Variants in CIBAR1 observed in about 807,000 individuals in gnomAD.
CIBAR1 encodes CBY1-interacting BAR domain-containing protein 1.
CIBAR1 carries 25 observed loss-of-function variants against 44.0 expected under a neutral mutation model. That is an observed-to-expected ratio of 0.57 (90% CI 0.41 to 0.79). The LOEUF (loss-of-function observed/expected upper bound fraction) is 0.79, where lower values mean the gene tolerates loss of function less well. Ranked by LOEUF, CIBAR1 falls within the 30% of genes least tolerant of loss-of-function variation. CIBAR1 has a pLI of 0.00. For synonymous variants in CIBAR1, 115 were observed against 119.0 expected (o/e 0.97, Z 0.22); for missense variants, 278 against 344.8 (o/e 0.81, Z 1.53).
chr8:93,728,147 ATG>A (rs1417446944), intron 8 of CIBAR1, 56 bp from the exon 9 acceptor site: 9 of 1,069,782 alleles, frequency 8.4e-6, no homozygotes, highest in Non-Finnish European at 1.2e-5. Context: ...TATACCAAGA[ATG>A]TAAAATTTTT....
chr8:93,710,567 C>T (rs1176864982), intron 6 of CIBAR1, among the ~76,000 whole-genome samples: 2 of 152,108 alleles, frequency 1.3e-5, no homozygotes, highest in African/African-American at 4.8e-5. Context: ...GGCACAGTGG[C>T]TCACACCTGT....
chr8:93,718,894 C>T (rs569182275), intron 7 of CIBAR1, 106 bp downstream of exon 7: 12 of 627,058 alleles, frequency 1.9e-5, no homozygotes, highest in Middle Eastern at 4.2e-4. Flanking sequence ...GACAGAGTCT[C>T]ACTCTGTTGC....
intron 2 of CIBAR1, among the ~76,000 whole-genome samples, chr8:93,703,018 T>C (rs1810424847): frequency 6.6e-6 from 1 of 152,224 alleles, no homozygotes; most frequent in Admixed American, 6.5e-5. Flanking sequence ...TAAAAACCTG[T>C]AACGTTTAAG....
chr8:93,704,283 G>A (rs1810489840), intron 3 of CIBAR1, among the ~76,000 whole-genome samples: 1 of 152,134 alleles, frequency 6.6e-6, no homozygotes, highest in Non-Finnish European at 1.5e-5. Flanking sequence ...TAAAGCGATA[G>A]CATTTAGACT....
chr8:93,729,752 T>G lies in CIBAR1; in HGVS notation c.*1455T>G, dbSNP rs1211901337. The G allele has an allele frequency of 6.6e-6, 1 of 152,176 alleles. No homozygotes were observed. The highest frequency in any genetic ancestry group is 1.5e-5 in the Non-Finnish European group (1 of 68,020). The allele number at this position is 152,176 out of a possible 1,614,324, so 9.4% of individuals were successfully genotyped here. On this transcript the variant is annotated 3_prime_UTR_variant, in exon 9 of 9. Transcript: ENST00000518322. Reference sequence around the variant, plus strand: ...AATTCAAGACTATTATACAGGTAACTATGTAACCATGTAAGACTTAAGTAC... The same window carrying G: ...AATTCAAGACTATTATACAGGTAACGATGTAACCATGTAAGACTTAAGTAC...
chr8:93,727,083 A>T (rs771311286), intron 8 of CIBAR1: 49 of 635,208 alleles, frequency 7.7e-5, no homozygotes, highest in Non-Finnish European at 1.1e-4. Context: ...TAAGTAACAC[A>T]TAAAGCAGTA....
Position 93,718,785 on chromosome 8 carries a change from A to G in CIBAR1, c.654A>G (p.Leu218=). The G allele has an allele frequency of 2.0e-6, 3 of 1,530,524 alleles. No individual in the cohort carries two copies. Among genetic ancestry groups the G allele is most frequent in the Non-Finnish European group, 2.7e-6 (3 of 1,126,408 alleles). 94.8% of individuals were successfully genotyped at this position (1,530,524 alleles called of 1,614,324 possible). A position where few individuals can be genotyped will look rare whatever the true frequency, so the allele number is the denominator to read the frequency against. ...AAAACATTGATGAAGATGAAGATTTAGAGGTAGGACTATGTCTATCTAAGC... is the reference window on the plus strand; with the variant it reads ...AAAACATTGATGAAGATGAAGATTTGGAGGTAGGACTATGTCTATCTAAGC... ...NIQNIDEDED[L]EVFRNSLYAP... The change falls in exon 7 of 9, where the codon TTA becomes TTG. Residue 218 remains leucine (L), a synonymous_variant. Transcript: ENST00000518322.
Position 93,700,671 on chromosome 8 carries a change from C to G in CIBAR1, c.24C>G (p.Asn8Lys), listed in dbSNP as rs901176901. ...GCATGATGAGGCGCACCCTGGAAAACCGGTAACAGCCCGAGCCCAGCTGCC... is the reference window on the plus strand; with the variant it reads ...GCATGATGAGGCGCACCCTGGAAAAGCGGTAACAGCCCGAGCCCAGCTGCC... MMRRTLE[N>K]RNAQTKQLQT... The change falls in exon 1 of 9, where the codon AAC becomes AAG. Residue 8 changes from asparagine (N) to lysine (K), a missense_variant and splice_region_variant. Physicochemically the swap from Asn to Lys is moderately conservative, Grantham distance 94 (BLOSUM62 0). Transcript: ENST00000518322. 1.0e-5 allele frequency: 15 copies of G among 1,504,282 alleles called. No homozygotes were observed. The African/African-American group carries it at 2.2e-4, about 22-fold the overall frequency. The allele number at this position is 1,504,282 out of a possible 1,614,324, so 93.2% of individuals were successfully genotyped here. A position where few individuals can be genotyped will look rare whatever the true frequency, so the allele number is the denominator to read the frequency against.
intron 5 of CIBAR1, 48 bp downstream of exon 5, chr8:93,708,064 C>A: frequency 7.1e-7 from 1 of 1,414,724 alleles, no homozygotes; most frequent in South Asian, 1.4e-5. Context: ...ATAGTAAACC[C>A]TTTTACTTGT....
rs563267399 is a variant in CIBAR1 at position 93,726,445 on chromosome 8, G to C, written c.709G>C (p.Val237Leu). 32 of 1,613,640 alleles carry C rather than the reference G, an allele frequency of 2.0e-5. No individual in the cohort carries two copies. In the South Asian group the frequency reaches 3.4e-4, roughly 17 times the overall value. The change falls in exon 8 of 9, where the codon GTA becomes CTA. Residue 237 changes from valine to leucine, a missense_variant. Physicochemically the swap from Val to Leu is conservative, Grantham distance 32. This residue lies in a region of CIBAR1 where 93 missense variants were observed against 108.9 expected (regional missense o/e 0.85). Transcript: ENST00000518322. Reference protein sequence around the residue: ...APDYSSRLDIVRANSKSPLQR... With the variant: ...APDYSSRLDILRANSKSPLQR... Reference sequence around the variant, plus strand: ...AGATTATTCATCTCGTTTAGATATTGTAAGAGCAAATTCAAAGTCACCTCT... The same window carrying C: ...AGATTATTCATCTCGTTTAGATATTCTAAGAGCAAATTCAAAGTCACCTCT...
At chr8:93,702,317 A>G (rs898546925) in intron 2 of CIBAR1, 1 of 402,112 alleles carries the variant, frequency 2.5e-6, no homozygotes, top group African/African-American at 2.1e-5. Context: ...TCTGTAATAA[A>G]CAAGTAACTC....
chr8:93,720,904 C>T (rs1001552926), intron 7 of CIBAR1: 1 of 152,002 alleles, frequency 6.6e-6, no homozygotes, highest in Non-Finnish European at 1.5e-5. Context: ...TTTCATCTGT[C>T]ATTTATAAAA....
At chr8:93,705,144 T>C (rs984432890) in intron 4 of CIBAR1, 134 bp downstream of exon 4, 10 of 600,696 alleles carry the variant, frequency 1.7e-5, no homozygotes, top group South Asian at 7.3e-5. Flanking sequence ...GAAATGCATT[T>C]AGGAATTCTC....
Position 93,714,045 on chromosome 8 carries a change from A to G in CIBAR1, c.543+4170A>G, listed in dbSNP as rs79630881. On this transcript the variant is annotated intron_variant, in intron 6 of 8. Coordinates refer to ENST00000518322, the MANE Select transcript of CIBAR1 (RefSeq NM_145269.5). ...TACAAGGATTGTATCAAATATGTAG[A>G]TCAATTTGAGGAGTATTGACATCTT... is the stretch of plus-strand genomic sequence containing the variant. 4.9e-3 allele frequency among the ~76,000 whole-genome samples: 743 copies of G among 152,316 alleles called. 1 individual carries two copies. Among genetic ancestry groups the G allele is most frequent in the African/African-American group, 0.017 (691 of 41,556 alleles).
chr8:93,710,672 A>G (rs528492859), intron 6 of CIBAR1, among the ~76,000 whole-genome samples: 1 of 151,998 alleles, frequency 6.6e-6, no homozygotes, highest in South Asian at 2.1e-4. Context: ...CATCTCTACT[A>G]AAAATACAAA....
chr8:93,705,310 A>C (rs954889378), intron 4 of CIBAR1: 10 of 368,902 alleles, frequency 2.7e-5, no homozygotes, highest in Non-Finnish European at 9.6e-6. Flanking sequence ...GTGATGACTA[A>C]ATATTAATTC....
intron 7 of CIBAR1, among the ~76,000 whole-genome samples, chr8:93,722,196 A>G (rs548870049): frequency 6.6e-6 from 1 of 152,364 alleles, no homozygotes; most frequent in Non-Finnish European, 1.5e-5. Flanking sequence ...TATATCAAAC[A>G]GGTACCTACC....
rs569544028 is a variant in CIBAR1, at chr8:93,716,352, T to C, written c.544-2323T>C. On this transcript the variant is annotated intron_variant, in intron 6 of 8. Transcript: ENST00000518322. Reference sequence around the variant, plus strand: ...AGCCACTGCACCCGGCCTGTGTTTGTTGTTTTTTTTTTTTAATATGACAAT... The same window carrying C: ...AGCCACTGCACCCGGCCTGTGTTTGCTGTTTTTTTTTTTTAATATGACAAT... Among the ~76,000 whole-genome samples, 63 of 151,784 alleles carry C rather than the reference T, an allele frequency of 4.2e-4. 1 individual carries two copies. The highest frequency in any genetic ancestry group is 8.1e-4 in the Non-Finnish European group (55 of 67,944).
At chr8:93,701,522 G>A in intron 2 of CIBAR1, 64 bp downstream of exon 2, 4 of 1,417,764 alleles carry the variant, frequency 2.8e-6, no homozygotes, top group South Asian at 1.3e-5. Context: ...TGAAGGAACC[G>A]TGGAAACTTT....
Sources: allele counts gnomAD v4.1 joint callset (sites outside exome capture counted in the v4.1 genomes callset), GRCh38; gene constraint gnomAD v4.1.1; regional missense constraint gnomAD v4.1.1; transcripts MANE v1.5; gene names NCBI Gene and HGNC (gene_info 2026-07-23, HGNC 2026-07-21).